MTCL3: variants seen among roughly 807,000 people sequenced by gnomAD.
MTCL3 encodes MTCL family member 3.
At chr6:127,477,583 G>A in the MTCL3 span, among the ~76,000 whole-genome samples, 1 of 152,152 alleles carries the variant, frequency 6.6e-6, no homozygotes, top group Non-Finnish European at 1.5e-5. Flanking sequence ...AGCAACCACT[G>A]GTGAGAAGGT....
the MTCL3 span, chr6:127,515,720 C>T: frequency 6.3e-7 from 1 of 1,590,038 alleles, no homozygotes; most frequent in Non-Finnish European, 8.5e-7. This position sits in a 1 kb window ranked among gnomAD's most constrained non-coding sequence, Gnocchi z 4.3. Flanking sequence ...GTCTCGCAAA[C>T]GGCAGGGGGG....
chr6:127,475,196 C>A, the MTCL3 span: 1 of 1,339,926 alleles, frequency 7.5e-7, no homozygotes, highest in Non-Finnish European at 1.0e-6. This position sits in a 1 kb window ranked among gnomAD's most constrained non-coding sequence, Gnocchi z 7.3. Flanking sequence ...TTCCCTCAAG[C>A]GGGGCGCGGC....
At chr6:127,516,640 T>C in the MTCL3 span, 18 of 1,587,730 alleles carry the variant, frequency 1.1e-5, no homozygotes, top group Non-Finnish European at 1.4e-5. Context: ...AGATGCGATT[T>C]GGAAGAGCCC....
chr6:127,492,835 T>C, the MTCL3 span, among the ~76,000 whole-genome samples: 3 of 152,204 alleles, frequency 2.0e-5, no homozygotes, highest in Non-Finnish European at 4.4e-5. Context: ...AGAAAAATTT[T>C]TTAATGAAAC....
the MTCL3 span, chr6:127,515,586 C>T: frequency 2.8e-6 from 4 of 1,438,260 alleles, no homozygotes; most frequent in African/African-American, 3.0e-5. This position sits in a 1 kb window ranked among gnomAD's most constrained non-coding sequence, Gnocchi z 4.3. Flanking sequence ...GGAGCTGCTG[C>T]GGGTGCGGCT....
At chr6:127,513,093 T>C in the MTCL3 span, 4 of 1,509,758 alleles carry the variant, frequency 2.6e-6, no homozygotes, top group Non-Finnish European at 3.6e-6. Flanking sequence ...TTAATGACAA[T>C]ATAATAAGGG....
the MTCL3 span, among the ~76,000 whole-genome samples, chr6:127,504,939 C>T: frequency 6.6e-6 from 1 of 152,122 alleles, no homozygotes; most frequent in Non-Finnish European, 1.5e-5. Flanking sequence ...AGATTTCATT[C>T]TTAGAATCAT....
chr6:127,501,279 G>T, the MTCL3 span, among the ~76,000 whole-genome samples: 2 of 152,208 alleles, frequency 1.3e-5, no homozygotes, highest in East Asian at 3.8e-4. Context: ...ACCGCTAAAT[G>T]AATAAACCCA....
At chr6:127,477,104 T>A in the MTCL3 span, among the ~76,000 whole-genome samples, 17,619 of 152,198 alleles carry the variant, frequency 0.12, 1,394 homozygotes, top group Admixed American at 0.19. Context: ...CTGCCCCCTG[T>A]TTTTATTCAA....
chr6:127,494,187 T>C, the MTCL3 span, among the ~76,000 whole-genome samples: 1 of 152,190 alleles, frequency 6.6e-6, no homozygotes, highest in African/African-American at 2.4e-5. Flanking sequence ...TAAATGTCTT[T>C]AAATTGGAAC....
the MTCL3 span, among the ~76,000 whole-genome samples, chr6:127,504,232 T>C: frequency 6.6e-6 from 1 of 152,270 alleles, no homozygotes; most frequent in Admixed American, 6.5e-5. Flanking sequence ...GAACTCACAG[T>C]CTGGTTGGTC....
the MTCL3 span, among the ~76,000 whole-genome samples, chr6:127,497,407 G>A: frequency 6.6e-6 from 1 of 152,178 alleles, no homozygotes; most frequent in South Asian, 2.1e-4. Flanking sequence ...ACATTCAGGG[G>A]AAGAAACATA....
the MTCL3 span, among the ~76,000 whole-genome samples, chr6:127,495,241 G>A: frequency 2.0e-5 from 3 of 151,618 alleles, no homozygotes; most frequent in Non-Finnish European, 4.4e-5. Context: ...CCACAGTAAA[G>A]ATATGTTTAT....
At chr6:127,482,355 G>A in the MTCL3 span, among the ~76,000 whole-genome samples, 1 of 152,164 alleles carries the variant, frequency 6.6e-6, no homozygotes, top group Non-Finnish European at 1.5e-5. The surrounding 1 kb of genome is among the most constrained non-coding windows in gnomAD (Gnocchi z 4.1). Flanking sequence ...TACCTTGAAA[G>A]CAAAGCTAGT....
At chr6:127,493,653 C>G in the MTCL3 span, among the ~76,000 whole-genome samples, 1 of 152,150 alleles carries the variant, frequency 6.6e-6, no homozygotes, top group Non-Finnish European at 1.5e-5. Context: ...GGCCAGGTAC[C>G]GTTCCTATCT....
At chr6:127,515,472 C>T in the MTCL3 span, 5 of 1,402,326 alleles carry the variant, frequency 3.6e-6, no homozygotes, top group Non-Finnish European at 4.6e-6. The surrounding 1 kb of genome is among the most constrained non-coding windows in gnomAD (Gnocchi z 4.3). Context: ...CTCCCAGGCC[C>T]ACTCTTCCCA....
At chr6:127,483,133 A>G in the MTCL3 span, 1 of 577,916 alleles carries the variant, frequency 1.7e-6, no homozygotes, top group Non-Finnish European at 2.9e-6. Flanking sequence ...AAAATCCTAA[A>G]CCAGATAGAT....
the MTCL3 span, among the ~76,000 whole-genome samples, chr6:127,501,006 G>A: frequency 6.6e-6 from 1 of 152,104 alleles, no homozygotes; most frequent in Non-Finnish European, 1.5e-5. Context: ...TAGAGACGGG[G>A]TTTCACCATG....
chr6:127,510,844 G>GTCAAAT, the MTCL3 span, among the ~76,000 whole-genome samples: 1 of 152,072 alleles, frequency 6.6e-6, no homozygotes. Flanking sequence ...TACCCTCCCT[G>GTCAAAT]TCAAATTCAT....
Sources: gnomAD v4.1 joint callset for allele counts (sites outside exome capture counted in the v4.1 genomes callset) on GRCh38, gnomAD v4.1.1 for gene constraint, Gnocchi (gnomAD v3.1) non-coding constraint, MANE v1.5 for transcripts, NCBI Gene and HGNC (gene_info 2026-07-23, HGNC 2026-07-21) for gene names.